The following ADAMTSL1 variants were observed in gnomAD, a reference collection of about 807,000 sequenced individuals.
ADAMTSL1 encodes the protein ADAMTS like 1, also known as ADAMTS-like protein 1.
Under a neutral mutation model 201.8 loss-of-function variants are expected in ADAMTSL1, and 126 were observed. That is an observed-to-expected ratio of 0.62 (90% CI 0.54 to 0.72). The LOEUF is 0.72. ADAMTSL1 is among the 30% of genes least tolerant of loss of function. The pLI is 0.00. For synonymous variants in ADAMTSL1, 1,121 were observed against 903.4 expected, an observed-to-expected ratio of 1.24 and a Z score of -4.32; for missense variants, 2,679 against 2,277.8, an observed-to-expected ratio of 1.18 and a Z score of -3.59.
Position 18,683,586 on chromosome 9 carries a change from G to A in ADAMTSL1, c.1490-1130G>A, listed in dbSNP as rs746627214. Among the ~76,000 whole-genome samples the A allele has an allele frequency of 5.5e-4, 84 of 152,244 alleles. 1 individual carries two copies. The highest frequency in any genetic ancestry group is 8.3e-4 in the South Asian group (4 of 4,824). On this transcript the variant is annotated intron_variant, in intron 12 of 28. Coordinates refer to ENST00000380548, the MANE Select transcript of ADAMTSL1 (RefSeq NM_001040272.6). ...TGTAAAATGATGTATGTATAGGTAC[G>A]GTGTTGCTGTGTTTAAAATGTTAGC...
intron 2 of ADAMTSL1, among the ~76,000 whole-genome samples, chr9:18,374,920 A>G (rs368196896): frequency 9.2e-5 from 14 of 152,300 alleles, no homozygotes; most frequent in African/African-American, 3.4e-4. Flanking sequence ...GGAGCTGACA[A>G]TGGTTAATAA....
intron 2 of ADAMTSL1, among the ~76,000 whole-genome samples, chr9:18,348,451 G>C (rs1208873268): frequency 1.3e-5 from 2 of 152,166 alleles, no homozygotes; most frequent in Admixed American, 6.6e-5. Flanking sequence ...AACCTCACTA[G>C]TGTCATCTAT....
intron 1 of ADAMTSL1, among the ~76,000 whole-genome samples, chr9:17,907,350 C>G (rs965031331): frequency 2.6e-5 from 4 of 152,184 alleles, no homozygotes; most frequent in Non-Finnish European, 5.9e-5. Context: ...TGCTGGGACA[C>G]TCCTCCACAC....
chr9:18,593,709 A>G (rs1824070876), intron 4 of ADAMTSL1, among the ~76,000 whole-genome samples: 1 of 151,948 alleles, frequency 6.6e-6, no homozygotes, highest in Non-Finnish European at 1.5e-5. Context: ...ATGTGTTTGT[A>G]TAGTTTCCAA....
intron 1 of ADAMTSL1, among the ~76,000 whole-genome samples, chr9:18,065,462 C>G (rs1822652858): frequency 6.6e-6 from 1 of 152,076 alleles, no homozygotes; most frequent in Non-Finnish European, 1.5e-5. Context: ...TAATTTTGAA[C>G]TATGTCATTA....
intron 2 of ADAMTSL1, among the ~76,000 whole-genome samples, chr9:18,327,268 G>A (rs1358562035): frequency 6.6e-6 from 1 of 152,180 alleles, no homozygotes; most frequent in Non-Finnish European, 1.5e-5. Flanking sequence ...AGATTTATGG[G>A]TGTTTGGCAT....
At chr9:18,636,646 G>C (rs1827130290) in intron 6 of ADAMTSL1, among the ~76,000 whole-genome samples, 1 of 152,098 alleles carries the variant, frequency 6.6e-6, no homozygotes, top group Non-Finnish European at 1.5e-5. Context: ...TGCAAAAATT[G>C]ATCTTCAATC....
intron 2 of ADAMTSL1, among the ~76,000 whole-genome samples, chr9:18,192,128 A>G (rs1437537081): frequency 6.6e-6 from 1 of 152,110 alleles, no homozygotes; most frequent in Non-Finnish European, 1.5e-5. Context: ...AACTTTTCTA[A>G]TAGGAATATT....
chr9:18,175,645 TGGAATG>T (rs1828112068), intron 2 of ADAMTSL1, among the ~76,000 whole-genome samples: 1 of 152,134 alleles, frequency 6.6e-6, no homozygotes, highest in Non-Finnish European at 1.5e-5. Context: ...TTCTTCTGCC[TGGAATG>T]TCTTCCTTCC....
At chr9:18,502,338 T>C (rs1411384442) in intron 1 of ADAMTSL1, among the ~76,000 whole-genome samples, 1 of 151,752 alleles carries the variant, frequency 6.6e-6, no homozygotes, top group African/African-American at 2.4e-5. Context: ...GATATATATT[T>C]GTCACTTAAA....
At chr9:18,024,238 A>G (rs1820598637) in intron 1 of ADAMTSL1, among the ~76,000 whole-genome samples, 1 of 152,126 alleles carries the variant, frequency 6.6e-6, no homozygotes, top group African/African-American at 2.4e-5. Flanking sequence ...AAAGGAAAAT[A>G]GTGTTTTATT....
At chr9:18,172,702 A>T (rs770352162) in intron 2 of ADAMTSL1, among the ~76,000 whole-genome samples, 24 of 152,132 alleles carry the variant, frequency 1.6e-4, no homozygotes, top group African/African-American at 7.2e-5. Context: ...AATGAAAGAA[A>T]ATCATGAATA....
chr9:17,926,687 G>A (rs965288964), intron 1 of ADAMTSL1, among the ~76,000 whole-genome samples: 7 of 152,230 alleles, frequency 4.6e-5, no homozygotes, highest in African/African-American at 1.7e-4. Flanking sequence ...AGGATTGTAA[G>A]TGTAATGTTA....
At chr9:17,931,728 C>T (rs1826799241) in intron 1 of ADAMTSL1, among the ~76,000 whole-genome samples, 1 of 152,114 alleles carries the variant, frequency 6.6e-6, no homozygotes, top group Non-Finnish European at 1.5e-5. Context: ...TGTGAACACT[C>T]GTCCAAAAGC....
In ADAMTSL1 at chr9:18,052,282, A is replaced by C. The variant is rs140413430; in HGVS notation, c.88-111580A>C. On this transcript the variant is annotated intron_variant, in intron 1 of 29. Transcript: ENST00000680146. ...CACACAAATAAATACATACTTTCAC[A>C]CTTAGGTAAATGCCCTGAAGTGAAA... 1.3e-3 allele frequency among the ~76,000 whole-genome samples: 192 copies of C among 152,354 alleles called. 1 individual carries two copies. Among genetic ancestry groups the C allele is most frequent in the African/African-American group, 4.3e-3 (177 of 41,582 alleles).
intron 2 of ADAMTSL1, among the ~76,000 whole-genome samples, chr9:18,311,025 T>A (rs56302984): frequency 0.069 from 10,488 of 152,022 alleles, 1,164 homozygotes; most frequent in African/African-American, 0.24. Context: ...TATGCAGCCA[T>A]AAAAAATGAT....
At chr9:18,292,239 A>T (rs1305520394) in intron 2 of ADAMTSL1, among the ~76,000 whole-genome samples, 2 of 152,114 alleles carry the variant, frequency 1.3e-5, no homozygotes, top group African/African-American at 2.4e-5. Flanking sequence ...TTAGAAGTTC[A>T]TACAAAGTCC....
chr9:18,042,111 A>T (rs914852531), intron 1 of ADAMTSL1, among the ~76,000 whole-genome samples: 1 of 149,630 alleles, frequency 6.7e-6, no homozygotes, highest in African/African-American at 2.5e-5. Context: ...AAAAAAAAAA[A>T]GCTTACGAAC....
rs754533143 is a variant in ADAMTSL1 at position 18,795,453 on chromosome 9, T to G, written c.3734T>G (p.Val1245Gly). The G allele has an allele frequency of 6.2e-7, 1 of 1,613,906 alleles. No homozygotes were observed. The highest frequency in any genetic ancestry group is 1.1e-5 in the South Asian group (1 of 91,078). The change falls in exon 20 of 29, where the codon GTG (valine) becomes GGG (glycine). Residue 1245 changes from valine (V) to glycine (G), a missense_variant. Val to Gly is a moderately radical substitution (Grantham distance 109, BLOSUM62 -3). Transcript: ENST00000380548. ...LQILAPVEADVGFYTCNATNA... is the reference protein window; with the variant it reads ...LQILAPVEADGGFYTCNATNA... ...ATCTTGGCACCAGTGGAAGCAGATG[T>G]GGGTTTCTACACTTGCAATGCCACC... is the stretch of plus-strand genomic sequence containing the variant.
Sources: gnomAD v4.1 joint callset for allele counts (sites outside exome capture counted in the v4.1 genomes callset) on GRCh38, gnomAD v4.1.1 for gene constraint, MANE v1.5 for transcripts, NCBI Gene and HGNC (gene_info 2026-07-23, HGNC 2026-07-21) for gene names.